Variants in BRI3BP observed in about 807,000 individuals in gnomAD.
The protein encoded by BRI3BP is BRI3 binding protein, also known as BRI3-binding protein.
A neutral mutation model predicts 15.8 loss-of-function variants in BRI3BP; 7 were observed. That is an observed-to-expected ratio of 0.44 (90% CI 0.25 to 0.83). BRI3BP has a LOEUF of 0.83. Ranked by LOEUF, BRI3BP falls within the 40% of genes least tolerant of loss-of-function variation. The pLI, the probability that BRI3BP is intolerant of heterozygous loss-of-function variation, is 0.20. For missense variants in BRI3BP, 320 were observed against 339.3 expected (o/e 0.94, Z 0.45); for synonymous variants, 192 against 163.5 (o/e 1.17, Z -1.33).
rs1269218330 is a variant in BRI3BP, at chr12:125,025,300, C to T, written c.626C>T (p.Pro209Leu). Residue 209 changes from proline (P) to leucine (L), a missense_variant, in exon 3 of 3, where the codon CCC becomes CTC. By Grantham distance (98) the Pro-to-Leu change is moderately conservative (BLOSUM62 -3). Transcript: ENST00000341446. ...ATGGGCTTCTACTGGCGAAGCAGTC[C>T]CAGCGGCCCCAGCAACCCCAGCAAC... ...GPMGFYWRSS[P>L]SGPSNPSNPS... The T allele has an allele frequency of 1.2e-6, 2 of 1,613,872 alleles. No individual in the cohort carries two copies. The highest frequency in any genetic ancestry group is 1.1e-5 in the South Asian group (1 of 91,068).
At chr12:125,003,047 G>A (rs1376706777) in intron 1 of BRI3BP, among the ~76,000 whole-genome samples, 4 of 152,154 alleles carry the variant, frequency 2.6e-5, no homozygotes, top group South Asian at 2.1e-4. Flanking sequence ...AGCATTTTCC[G>A]TTCATCTGGC....
the BRI3BP span, among the ~76,000 whole-genome samples, chr12:125,044,043 GAAAGATTAT>G: frequency 4.0e-5 from 6 of 150,800 alleles, no homozygotes; most frequent in Non-Finnish European, 8.9e-5. Context: ...AAAAAGGAAA[GAAAGATTAT>G]TTTCTCACAA....
At chr12:125,011,055 C>T (rs929885900) in intron 1 of BRI3BP, among the ~76,000 whole-genome samples, 10 of 145,752 alleles carry the variant, frequency 6.9e-5, no homozygotes, top group Non-Finnish European at 1.2e-4. Context: ...GATCATACCA[C>T]TGCACTCCAG....
At chr12:125,003,959 AC>A (rs1955119325) in intron 1 of BRI3BP, among the ~76,000 whole-genome samples, 115 of 8,150 alleles carry the variant, frequency 0.014, no homozygotes, top group East Asian at 0.1. Context: ...TCTCAAAAAC[AC>A]ACACACACAC....
chr12:125,034,876 C>G (rs1423160573), downstream of BRI3BP, among the ~76,000 whole-genome samples: 1 of 152,182 alleles, frequency 6.6e-6, no homozygotes, highest in Non-Finnish European at 1.5e-5. Flanking sequence ...GCGTGAACCA[C>G]CGCGCCCGGC....
At chr12:124,999,528 A>G (rs1210323315) in intron 1 of BRI3BP, among the ~76,000 whole-genome samples, 2 of 151,700 alleles carry the variant, frequency 1.3e-5, no homozygotes, top group African/African-American at 2.4e-5. Context: ...GGCTCAAATG[A>G]TCCTCCTGCA....
chr12:124,993,977 G>A lies in BRI3BP; in HGVS notation c.187G>A (p.Glu63Lys). ...CCAGAGCGTCAGCAGCCTGTTCGGCGAGGACAACGTGCGCGCCGCTCAGAA... is the reference window on the plus strand; with the variant it reads ...CCAGAGCGTCAGCAGCCTGTTCGGCAAGGACAACGTGCGCGCCGCTCAGAA... ...FSQSVSSLFG[E>K]DNVRAAQKFL... The change falls in exon 1 of 3, where the codon GAG becomes AAG. Residue 63 changes from glutamate to lysine, a missense_variant. Physicochemically the swap from Glu to Lys is moderately conservative, Grantham distance 56 (BLOSUM62 1). Transcript: ENST00000341446. 1.5e-6 allele frequency: 2 copies of A among 1,358,880 alleles called. No homozygotes were observed. The highest frequency in any genetic ancestry group is 1.9e-6 in the Non-Finnish European group (2 of 1,040,338). 84.2% of individuals were successfully genotyped at this position (1,358,880 alleles called of 1,614,324 possible).
At position 125,004,380 on chromosome 12, in the gene BRI3BP, G is replaced by C. The variant is rs140026051; in HGVS notation, c.214-8154G>C. On this transcript the variant is annotated intron_variant, in intron 1 of 2. Coordinates refer to ENST00000341446, the MANE Select transcript of BRI3BP (RefSeq NM_080626.6). ...AGACAGTGTCTGGCCATGTTGCCCA[G>C]GCTAGTCTCTAACTCCCAGACTCAA... is the stretch of plus-strand genomic sequence containing the variant. 4.6e-4 allele frequency among the ~76,000 whole-genome samples: 70 copies of C among 152,164 alleles called. 3 individuals carry two copies. The highest frequency in any genetic ancestry group is 1.5e-3 in the African/African-American group (63 of 41,518).
intron 1 of BRI3BP, among the ~76,000 whole-genome samples, chr12:124,998,893 A>G (rs1314635254): frequency 1.3e-5 from 2 of 152,126 alleles, no homozygotes; most frequent in Non-Finnish European, 2.9e-5. Context: ...CCTGGGCAAC[A>G]TAGTGAGACC....
the BRI3BP span, among the ~76,000 whole-genome samples, chr12:125,047,390 G>C: frequency 6.6e-6 from 1 of 151,970 alleles, no homozygotes; most frequent in African/African-American, 2.4e-5. Flanking sequence ...AGCCAGGATG[G>C]TCTCGATCTC....
At chr12:125,047,993 G>T in the BRI3BP span, among the ~76,000 whole-genome samples, 3 of 147,116 alleles carry the variant, frequency 2.0e-5, no homozygotes, top group African/African-American at 7.6e-5. Context: ...TACTGTGCCC[G>T]GCCTACTTTT....
intron 1 of BRI3BP, among the ~76,000 whole-genome samples, chr12:125,004,876 C>T (rs1955128924): frequency 6.6e-6 from 1 of 152,066 alleles, no homozygotes; most frequent in Non-Finnish European, 1.5e-5. Context: ...TTTCAAATCT[C>T]CCTGTGTCAC....
rs1174756977 is a variant in BRI3BP at position 125,029,017 on chromosome 12, ATATCT to A, written c.*3590_*3594del. On this transcript the variant is annotated 3_prime_UTR_variant, in exon 3 of 3. Transcript: ENST00000341446. ...TTATAATTAAGACTCAGTGTTTAAA[ATATCT>A]TAATCAGTGTTAATTTCCCAGTGTT... The A allele has an allele frequency of 1.3e-5, 2 of 152,320 alleles. No individual in the cohort carries two copies. Among genetic ancestry groups the A allele is most frequent in the African/African-American group, 4.8e-5 (2 of 41,562 alleles). The allele number at this position is 152,320 out of a possible 1,614,324, so 9.4% of individuals were successfully genotyped here.
At chr12:125,021,378 G>A (rs1007396572) in intron 2 of BRI3BP, among the ~76,000 whole-genome samples, 2 of 152,178 alleles carry the variant, frequency 1.3e-5, no homozygotes, top group African/African-American at 2.4e-5. Context: ...CTGGATTTGC[G>A]CTTGCCCACT....
intron 1 of BRI3BP, among the ~76,000 whole-genome samples, chr12:125,003,736 A>G (rs1955116404): frequency 6.6e-6 from 1 of 152,014 alleles, no homozygotes; most frequent in South Asian, 2.1e-4. Context: ...GTGGGTCACT[A>G]GAGGTCAGGA....
chr12:125,016,481 A>G (rs1159863802), intron 2 of BRI3BP, among the ~76,000 whole-genome samples: 1 of 147,612 alleles, frequency 6.8e-6, no homozygotes. Context: ...GAGTAAAAAG[A>G]AATGGTGAAA....
In BRI3BP at chr12:125,002,826, A is replaced by G. The variant is rs148713353; in HGVS notation, c.213+8823A>G. 1.1e-4 allele frequency among the ~76,000 whole-genome samples: 16 copies of G among 152,274 alleles called. No individual in the cohort carries two copies. The East Asian group carries it at 3.1e-3, about 29-fold the overall frequency. On this transcript the variant is annotated intron_variant, in intron 1 of 2. Transcript: ENST00000341446. ...TGATTATCTCCTCCGGGTTAGGCTCAGACTTAGCTTTCATGGCAAGAATTC... is the reference window on the plus strand; with the variant it reads ...TGATTATCTCCTCCGGGTTAGGCTCGGACTTAGCTTTCATGGCAAGAATTC...
intron 1 of BRI3BP, among the ~76,000 whole-genome samples, chr12:125,004,123 C>T (rs151088311): frequency 6.6e-6 from 1 of 152,286 alleles, no homozygotes; most frequent in East Asian, 1.9e-4. Context: ...TGTATCTAAA[C>T]AAAGTCTACA....
intron 1 of BRI3BP, among the ~76,000 whole-genome samples, chr12:125,005,261 C>T (rs574225363): frequency 6.6e-6 from 1 of 152,276 alleles, no homozygotes; most frequent in Non-Finnish European, 1.5e-5. Context: ...CCATTTTCAT[C>T]CCATCACATC....
Sources: allele counts gnomAD v4.1 joint callset (sites outside exome capture counted in the v4.1 genomes callset), GRCh38; gene constraint gnomAD v4.1.1; transcripts MANE v1.5; gene names NCBI Gene and HGNC (gene_info 2026-07-23, HGNC 2026-07-21).